Variants in TBC1D15 observed in about 807,000 individuals in gnomAD.
The protein encoded by TBC1D15 is GAP for RAB7.
TBC1D15 carries 39 observed loss-of-function variants against 95.4 expected under a neutral mutation model. That is an observed-to-expected ratio of 0.41 (90% CI 0.32 to 0.53). TBC1D15 has a LOEUF of 0.53. Ranked by LOEUF, TBC1D15 falls within the 20% of genes least tolerant of loss-of-function variation. The pLI is 0.29. For missense variants in TBC1D15, 733 were observed against 794.3 expected (o/e 0.92, Z 0.93); for synonymous variants, 258 against 261.3 (o/e 0.99, Z 0.12).
intron 3 of TBC1D15, among the ~76,000 whole-genome samples, chr12:71,876,137 A>G (rs1298331719): frequency 2.0e-5 from 3 of 152,194 alleles, no homozygotes; most frequent in Non-Finnish European, 4.4e-5. Context: ...TTCAAATTAT[A>G]CATTTTCCTA....
At chr12:71,876,561 C>T (rs1359809466) in intron 3 of TBC1D15, among the ~76,000 whole-genome samples, 1 of 152,118 alleles carries the variant, frequency 6.6e-6, no homozygotes, top group Non-Finnish European at 1.5e-5. Context: ...TTTTTTGCCT[C>T]TTTTCCATAT....
chr12:71,848,451 A>G (rs888081247), intron 1 of TBC1D15, among the ~76,000 whole-genome samples: 1 of 151,746 alleles, frequency 6.6e-6, no homozygotes, highest in African/African-American at 2.4e-5. Context: ...GGTGTTGAGT[A>G]TTTTTCCATG....
chr12:71,851,329 C>G (rs919226008), intron 1 of TBC1D15, among the ~76,000 whole-genome samples: 1 of 152,036 alleles, frequency 6.6e-6, no homozygotes, highest in Non-Finnish European at 1.5e-5. Context: ...CCACCTCCAA[C>G]GTTGGGTATT....
intron 11 of TBC1D15, among the ~76,000 whole-genome samples, chr12:71,912,225 T>G (rs1443739772): frequency 6.6e-6 from 1 of 152,176 alleles, no homozygotes; most frequent in Non-Finnish European, 1.5e-5. Context: ...GTGCATTATT[T>G]TAGAAACCAT....
rs1445700594 is a variant in TBC1D15 at position 71,911,023 on chromosome 12, T to TG, written c.1301-2802dup. On this transcript the variant is annotated intron_variant, in intron 11 of 16. Transcript: ENST00000485960. The stretch of plus-strand genomic sequence containing the variant: ...TGCAGCCAAAAAACACACGAAAAAA[T>TG]GCTCACCATCACTGGCCATCAGAGA... Among the ~76,000 whole-genome samples, 4 of 152,006 alleles carry TG rather than the reference T, an allele frequency of 2.6e-5. No homozygotes were observed. The East Asian group carries it at 7.7e-4, about 29-fold the overall frequency.
intron 3 of TBC1D15, among the ~76,000 whole-genome samples, chr12:71,877,360 CTT>C (rs767902948): frequency 6.9e-6 from 1 of 144,528 alleles, no homozygotes. Flanking sequence ...AAACTTCTGT[CTT>C]TTTTTTTTAA....
intron 1 of TBC1D15, among the ~76,000 whole-genome samples, chr12:71,871,175 GTTAAC>G (rs1892594506): frequency 6.6e-6 from 1 of 152,136 alleles, no homozygotes; most frequent in Admixed American, 6.5e-5. Context: ...TTACTTAGGA[GTTAAC>G]TTAAGTCTCC....
intron 1 of TBC1D15, among the ~76,000 whole-genome samples, chr12:71,847,553 G>C (rs1445965207): frequency 1.3e-5 from 2 of 151,906 alleles, no homozygotes; most frequent in African/African-American, 4.8e-5. Flanking sequence ...AAATTAGCTG[G>C]GTGTGGTGGT....
chr12:71,878,052 A>G (rs1592745784), intron 3 of TBC1D15, among the ~76,000 whole-genome samples: 1 of 152,126 alleles, frequency 6.6e-6, no homozygotes, highest in African/African-American at 2.4e-5. Context: ...CTAATGTCAA[A>G]GTTCACGTCT....
intron 1 of TBC1D15, among the ~76,000 whole-genome samples, chr12:71,851,429 A>G (rs1385906824): frequency 1.3e-5 from 2 of 152,224 alleles, no homozygotes; most frequent in Non-Finnish European, 2.9e-5. Flanking sequence ...TCCTTATCAC[A>G]TTTCAAAGTA....
intron 1 of TBC1D15, among the ~76,000 whole-genome samples, chr12:71,856,569 AT>A (rs1447606551): frequency 2.0e-5 from 3 of 151,332 alleles, no homozygotes; most frequent in Admixed American, 6.6e-5. Context: ...TGGGATATAT[AT>A]TTTTTTCTTT....
chr12:71,850,381 G>A (rs556406032), intron 1 of TBC1D15: 1 of 307,564 alleles, frequency 3.3e-6, no homozygotes, highest in South Asian at 3.0e-5. Context: ...GGTTCGCACA[G>A]TGGGCCACCC....
chr12:71,863,196 G>C (rs1890756005), intron 1 of TBC1D15, among the ~76,000 whole-genome samples: 1 of 152,010 alleles, frequency 6.6e-6, no homozygotes, highest in Non-Finnish European at 1.5e-5. Flanking sequence ...GGCTAACATG[G>C]TGAAACCCCG....
chr12:71,850,263 CT>C, intron 1 of TBC1D15: 2 of 521,762 alleles, frequency 3.8e-6, no homozygotes, highest in Non-Finnish European at 7.4e-6. Flanking sequence ...TAACATTTCT[CT>C]GTCAAATTTT....
At chr12:71,896,537 A>G (rs1898217631) in intron 8 of TBC1D15, 140 bp from the exon 9 acceptor site, 3 of 698,264 alleles carry the variant, frequency 4.3e-6, no homozygotes, top group Non-Finnish European at 4.8e-6. Context: ...AAAAAACAAG[A>G]TGATATTCAC....
intron 12 of TBC1D15, among the ~76,000 whole-genome samples, chr12:71,914,629 A>C (rs1323195037): frequency 9.2e-5 from 14 of 151,986 alleles, no homozygotes; most frequent in Admixed American, 6.6e-5. Context: ...AAGTCCAAAG[A>C]CCTGACTACA....
intron 1 of TBC1D15, among the ~76,000 whole-genome samples, chr12:71,867,661 A>G (rs1024327793): frequency 2.0e-5 from 3 of 152,156 alleles, no homozygotes; most frequent in African/African-American, 7.2e-5. Context: ...AAAATCATTT[A>G]TTTATTCTTT....
At position 71,894,789 on chromosome 12, in the gene TBC1D15, G is replaced by A. The variant is rs1384304017; in HGVS notation, c.761G>A (p.Arg254Gln). Residue 254 changes from arginine to glutamine, a missense_variant, in exon 7 of 17, where the codon CGA (arginine) becomes CAA (glutamine). Transcript: ENST00000485960. The part of the protein sequence containing the change: ...LRGSDPSTHQ[R>Q]PPSEMADFLS... ...GGCAGCGATCCCTCTACACATCAACGACCACCTTCAGAAATGGCAGATTTT... is the reference window on the plus strand; with the variant it reads ...GGCAGCGATCCCTCTACACATCAACAACCACCTTCAGAAATGGCAGATTTT... The A allele has an allele frequency of 1.2e-6, 2 of 1,613,020 alleles. No homozygotes were observed. Among genetic ancestry groups the A allele is most frequent in the South Asian group, 1.1e-5 (1 of 91,034 alleles).
intron 1 of TBC1D15, among the ~76,000 whole-genome samples, chr12:71,855,792 C>T (rs1312813883): frequency 2.7e-5 from 4 of 150,032 alleles, no homozygotes; most frequent in African/African-American, 4.9e-5. Flanking sequence ...TCTTGCATTT[C>T]TTTATTAGTA....
Sources: allele counts gnomAD v4.1 joint callset (sites outside exome capture counted in the v4.1 genomes callset), GRCh38; gene constraint gnomAD v4.1.1; transcripts MANE v1.5; gene names NCBI Gene and HGNC (gene_info 2026-07-23, HGNC 2026-07-21).